TMEM132C: variants seen among roughly 807,000 people sequenced by gnomAD.
The protein encoded by TMEM132C is protein phosphatase 1, regulatory subunit 152.
Under a neutral mutation model 61.4 loss-of-function variants are expected in TMEM132C, and 29 were observed. The ratio of observed to expected loss-of-function variants is 0.47; its 90% CI spans 0.35 to 0.64. The LOEUF (loss-of-function observed/expected upper bound fraction) is 0.64. Ranked by LOEUF, TMEM132C falls within the 30% of genes least tolerant of loss-of-function variation. The probability of loss-of-function intolerance (pLI) is 0.00; values close to 1 mark genes in which losing one functional copy is unlikely to be tolerated. For synonymous variants in TMEM132C, 656 were observed against 633.1 expected, an observed-to-expected ratio of 1.04 and a Z score of -0.54; for missense variants, 1,408 against 1,476.9, an observed-to-expected ratio of 0.95 and a Z score of 0.76.
chr12:128,411,960 T>C (rs1230126316), intron 1 of TMEM132C, among the ~76,000 whole-genome samples: 1 of 152,222 alleles, frequency 6.6e-6, no homozygotes, highest in Non-Finnish European at 1.5e-5. Flanking sequence ...ATCTACTTGA[T>C]AAGAAATATA....
chr12:128,305,105 G>C lies in TMEM132C; in HGVS notation c.85+37618G>C, dbSNP rs573566937. Among the ~76,000 whole-genome samples, 10 of 152,178 alleles carry C rather than the reference G, an allele frequency of 6.6e-5. No individual in the cohort carries two copies. In the South Asian group the frequency reaches 2.1e-3, roughly 32 times the overall value. On this transcript the variant is annotated intron_variant, in intron 1 of 8. Coordinates refer to ENST00000435159, the MANE Select transcript of TMEM132C (RefSeq NM_001136103.3). Reference sequence around the variant, plus strand: ...AAAAGCGTTGCGTATTAGGCTGGGCGTGGTGGCTCACACCTGTAATCCCAG... The same window carrying C: ...AAAAGCGTTGCGTATTAGGCTGGGCCTGGTGGCTCACACCTGTAATCCCAG...
rs565915289 is a variant in TMEM132C at position 128,300,588 on chromosome 12, C to T, written c.85+33101C>T. On this transcript the variant is annotated intron_variant, in intron 1 of 8. Coordinates refer to ENST00000435159, the MANE Select transcript of TMEM132C (RefSeq NM_001136103.3). Reference sequence around the variant, plus strand: ...AGCCTATGAGAGGACACCAAGCAGCCGTATTTTCCATAAGTGATTCTGGTC... The same window carrying T: ...AGCCTATGAGAGGACACCAAGCAGCTGTATTTTCCATAAGTGATTCTGGTC... Among the ~76,000 whole-genome samples the T allele has an allele frequency of 2.0e-4, 30 of 152,160 alleles. No homozygotes were observed. The South Asian group carries it at 5.2e-3, about 26-fold the overall frequency.
chr12:128,452,739 T>C (rs1434656784), intron 2 of TMEM132C, among the ~76,000 whole-genome samples: 4 of 152,038 alleles, frequency 2.6e-5, no homozygotes, highest in Non-Finnish European at 5.9e-5. Flanking sequence ...AGGCAATGTT[T>C]CCAGAATGTG....
At chr12:128,441,570 C>G (rs1298624164) in intron 2 of TMEM132C, among the ~76,000 whole-genome samples, 2 of 152,146 alleles carry the variant, frequency 1.3e-5, no homozygotes, top group African/African-American at 4.8e-5. Flanking sequence ...ACTTTGTGTC[C>G]CCTGCAGTCA....
At chr12:128,466,200 G>T (rs1484461785) in intron 2 of TMEM132C, among the ~76,000 whole-genome samples, 2 of 152,136 alleles carry the variant, frequency 1.3e-5, no homozygotes, top group African/African-American at 4.8e-5. Flanking sequence ...GAGAGCACAG[G>T]AAAGAAGGAG....
intron 6 of TMEM132C, 66 bp from the exon 7 acceptor site, chr12:128,695,763 TG>T: frequency 7.5e-6 from 11 of 1,459,510 alleles, no homozygotes; most frequent in Non-Finnish European, 1.0e-5. Context: ...GGTGAGCGCC[TG>T]CCTGTCTCAA....
At chr12:128,332,020 GA>G (rs1457419879) in intron 1 of TMEM132C, among the ~76,000 whole-genome samples, 214 of 152,270 alleles carry the variant, frequency 1.4e-3, no homozygotes, top group African/African-American at 4.6e-3. Context: ...AAGCCCTGAT[GA>G]CGCCTGTAGG....
chr12:128,664,010 A>T (rs1318073691), intron 4 of TMEM132C, among the ~76,000 whole-genome samples: 2 of 145,444 alleles, frequency 1.4e-5, no homozygotes, highest in Non-Finnish European at 3.0e-5. Context: ...ACAGGCACAC[A>T]CGCATACACA....
At chr12:128,384,841 A>G (rs1874524219) in intron 1 of TMEM132C, among the ~76,000 whole-genome samples, 1 of 152,188 alleles carries the variant, frequency 6.6e-6, no homozygotes, top group Non-Finnish European at 1.5e-5. Flanking sequence ...AGATGCGCAC[A>G]CTGAGACATA....
chr12:128,415,802 G>A lies in TMEM132C; in HGVS notation c.974+182G>A, dbSNP rs756903163. Among the ~76,000 whole-genome samples the A allele has an allele frequency of 7.9e-5, 12 of 152,104 alleles. No homozygotes were observed. The highest frequency in any genetic ancestry group is 2.4e-5 in the African/African-American group (1 of 41,436). Reference sequence around the variant, plus strand: ...TGCTCTCAACAGCCCTCCTTACACCGTGGGTTATGGAGGGAAGAAGAGGCA... The same window carrying A: ...TGCTCTCAACAGCCCTCCTTACACCATGGGTTATGGAGGGAAGAAGAGGCA... On this transcript the variant is annotated intron_variant, in intron 2 of 8. Transcript: ENST00000435159. The surrounding 1 kb of genome is among the most constrained non-coding windows in gnomAD (Gnocchi z 5.8).
In TMEM132C at chr12:128,591,095, A is replaced by C. The variant is rs979719593; in HGVS notation, c.1122-25057A>C. On this transcript the variant is annotated intron_variant, in intron 3 of 8. Transcript: ENST00000435159. ...ACTGCAGCCACGCTTTATTGTTTCT[A>C]ATATAACACTTTTATTACTATAAAT... Among the ~76,000 whole-genome samples, 12 of 152,146 alleles carry C rather than the reference A, an allele frequency of 7.9e-5. No individual in the cohort carries two copies. In the East Asian group the frequency reaches 2.1e-3, roughly 27 times the overall value.
intron 3 of TMEM132C, among the ~76,000 whole-genome samples, chr12:128,575,148 T>C (rs1875041675): frequency 6.6e-6 from 1 of 152,210 alleles, no homozygotes; most frequent in Non-Finnish European, 1.5e-5. Context: ...TGTTACAGGA[T>C]AATTTTTTTA....
intron 1 of TMEM132C, among the ~76,000 whole-genome samples, chr12:128,292,554 T>A (rs906065495): frequency 2.0e-5 from 3 of 152,024 alleles, no homozygotes; most frequent in African/African-American, 4.8e-5. Flanking sequence ...TTTGTAAATA[T>A]CTATTAAGTG....
intron 1 of TMEM132C, among the ~76,000 whole-genome samples, chr12:128,353,297 G>A (rs928688990): frequency 1.3e-5 from 2 of 152,206 alleles, no homozygotes; most frequent in African/African-American, 4.8e-5. Context: ...TCCCTGTCTG[G>A]AGGAGAAAGA....
At chr12:128,451,298 T>C (rs147799582) in intron 2 of TMEM132C, among the ~76,000 whole-genome samples, 2 of 152,292 alleles carry the variant, frequency 1.3e-5, no homozygotes, top group Non-Finnish European at 2.9e-5. Context: ...GGGAGAAATA[T>C]TGTTTTTCCT....
At chr12:128,578,003 A>G (rs1028978439) in intron 3 of TMEM132C, among the ~76,000 whole-genome samples, 1 of 152,244 alleles carries the variant, frequency 6.6e-6, no homozygotes, top group Non-Finnish European at 1.5e-5. Flanking sequence ...TGTATATTCA[A>G]ATTAACTCAT....
intron 1 of TMEM132C, among the ~76,000 whole-genome samples, chr12:128,323,822 CTGTGTGCAGCTGAAACA>C (rs1055086188): frequency 1.3e-5 from 2 of 152,144 alleles, no homozygotes; most frequent in Admixed American, 1.3e-4. Context: ...GCTTGGGTAC[CTGTGTGCAGCTGAAACA>C]CTGCACGCTG....
intron 1 of TMEM132C, among the ~76,000 whole-genome samples, chr12:128,402,577 C>T (rs1051142218): frequency 6.6e-6 from 1 of 152,232 alleles, no homozygotes; most frequent in Non-Finnish European, 1.5e-5. Flanking sequence ...CTTAGAGGAG[C>T]ACCTGTCCTG....
intron 3 of TMEM132C, among the ~76,000 whole-genome samples, chr12:128,546,399 TG>T (rs1221390589): frequency 6.6e-6 from 1 of 152,198 alleles, no homozygotes; most frequent in Non-Finnish European, 1.5e-5. Flanking sequence ...GTTCTTCACA[TG>T]GGAACCTGAA....
Sources: gnomAD v4.1 joint callset for allele counts (sites outside exome capture counted in the v4.1 genomes callset) on GRCh38, gnomAD v4.1.1 for gene constraint, Gnocchi (gnomAD v3.1) non-coding constraint, MANE v1.5 for transcripts, NCBI Gene and HGNC (gene_info 2026-07-23, HGNC 2026-07-21) for gene names.